Variants in DPP10 observed in about 807,000 individuals in gnomAD.
The protein encoded by DPP10 is dipeptidyl peptidase like 10.
Under a neutral mutation model 120.9 loss-of-function variants are expected in DPP10, and 33 were observed. The observed-to-expected ratio is 0.27, with a 90% CI of 0.21 to 0.37. The LOEUF (loss-of-function observed/expected upper bound fraction) is 0.37. Ranked by LOEUF, DPP10 falls within the 10% of genes least tolerant of loss-of-function variation. The pLI is 1.00. For synonymous variants in DPP10, 337 were observed against 326.1 expected (o/e 1.03, Z -0.36); for missense variants, 816 against 942.8 (o/e 0.87, Z 1.76).
chr2:115,115,117 C>T lies in DPP10; in HGVS notation c.61-194122C>T, dbSNP rs551950097. Among the ~76,000 whole-genome samples, 80 of 151,876 alleles carry T rather than the reference C, an allele frequency of 5.3e-4. 1 individual carries two copies. The highest frequency in any genetic ancestry group is 1.9e-3 in the African/African-American group (77 of 41,340). ...ACATATCCGATATGTGTGTGCACAT[C>T]GGAGACCTACGGGGAGGTTTGCAGG... is the stretch of plus-strand genomic sequence containing the variant. On this transcript the variant is annotated intron_variant, in intron 1 of 25. Coordinates refer to ENST00000410059, the MANE Select transcript of DPP10 (RefSeq NM_020868.6).
intron 1 of DPP10, among the ~76,000 whole-genome samples, chr2:114,778,990 A>C (rs1682020119): frequency 6.6e-6 from 1 of 152,090 alleles, no homozygotes. Context: ...ACCCTAGTTA[A>C]TTCAATGCCA....
chr2:115,799,706 T>A (rs1684958977), intron 19 of DPP10, among the ~76,000 whole-genome samples: 1 of 151,136 alleles, frequency 6.6e-6, no homozygotes, highest in South Asian at 2.1e-4. Flanking sequence ...GTCCTTGCGA[T>A]AGTTTGCTGA....
chr2:115,480,412 C>T lies in DPP10; in HGVS notation c.272-19098C>T, dbSNP rs537424604. 4.6e-5 allele frequency among the ~76,000 whole-genome samples: 7 copies of T among 152,198 alleles called. No individual in the cohort carries two copies. In the South Asian group the frequency reaches 8.3e-4, roughly 18 times the overall value. ...GGTTATAGGTGCCTTTTCCCCTCCTCGTTCCTACTTCCTAGGGACATGGTA... is the reference window on the plus strand; with the variant it reads ...GGTTATAGGTGCCTTTTCCCCTCCTTGTTCCTACTTCCTAGGGACATGGTA... On this transcript the variant is annotated intron_variant, in intron 3 of 25. Coordinates refer to ENST00000410059, the MANE Select transcript of DPP10 (RefSeq NM_020868.6).
intron 1 of DPP10, among the ~76,000 whole-genome samples, chr2:115,080,361 CTT>C (rs765166959): frequency 2.3e-4 from 35 of 152,016 alleles, no homozygotes; most frequent in Admixed American, 2.0e-3. Context: ...AAGGATGTAA[CTT>C]TTTTTTGTTT....
chr2:115,716,575 A>C (rs1303933976), intron 7 of DPP10, among the ~76,000 whole-genome samples: 4 of 152,312 alleles, frequency 2.6e-5, no homozygotes, highest in Middle Eastern at 6.8e-3. Flanking sequence ...ATTTAAGTTC[A>C]TAAGAATACT....
intron 1 of DPP10, among the ~76,000 whole-genome samples, chr2:114,798,208 G>A (rs1426244722): frequency 1.3e-5 from 2 of 152,264 alleles, no homozygotes; most frequent in African/African-American, 4.8e-5. Flanking sequence ...AAGGGGTGGG[G>A]TGGGGAGCAT....
intron 1 of DPP10, among the ~76,000 whole-genome samples, chr2:114,866,746 A>G (rs971652962): frequency 6.6e-6 from 1 of 152,238 alleles, no homozygotes; most frequent in African/African-American, 2.4e-5. Flanking sequence ...TAAATTTACT[A>G]TGCAGCATTT....
At chr2:115,707,867 A>C (rs1395020914) in intron 7 of DPP10, among the ~76,000 whole-genome samples, 1 of 151,936 alleles carries the variant, frequency 6.6e-6, no homozygotes, top group Non-Finnish European at 1.5e-5. Flanking sequence ...TATTATTTAA[A>C]TATTTCCAGA....
intron 5 of DPP10, among the ~76,000 whole-genome samples, chr2:115,528,627 A>T (rs1258402918): frequency 6.6e-6 from 1 of 152,088 alleles, no homozygotes; most frequent in Non-Finnish European, 1.5e-5. Flanking sequence ...TCTTCAAAGG[A>T]TGAATGGCTA....
At chr2:114,536,689 G>A (rs947985963) in intron 1 of DPP10, among the ~76,000 whole-genome samples, 63 of 152,316 alleles carry the variant, frequency 4.1e-4, no homozygotes, top group African/African-American at 1.2e-3. Context: ...ACAGGTGTGA[G>A]CCACCATGCT....
At chr2:114,718,775 T>C (rs1180720387) in intron 1 of DPP10, among the ~76,000 whole-genome samples, 1 of 152,190 alleles carries the variant, frequency 6.6e-6, no homozygotes, top group Non-Finnish European at 1.5e-5. Flanking sequence ...CATAGAATTG[T>C]ATAGCTGTAA....
At chr2:115,581,721 A>G (rs887070420) in intron 5 of DPP10, among the ~76,000 whole-genome samples, 7 of 152,088 alleles carry the variant, frequency 4.6e-5, no homozygotes, top group African/African-American at 1.4e-4. Flanking sequence ...TCATTTGGGG[A>G]CAGACATTTA....
intron 2 of DPP10, among the ~76,000 whole-genome samples, chr2:115,309,625 T>C (rs923453945): frequency 6.6e-6 from 1 of 152,096 alleles, no homozygotes; most frequent in Non-Finnish European, 1.5e-5. Context: ...ACTTACAGAC[T>C]TACTATGTGT....
At chr2:114,620,958 A>G (rs1694052216) in intron 1 of DPP10, among the ~76,000 whole-genome samples, 1 of 152,118 alleles carries the variant, frequency 6.6e-6, no homozygotes, top group Non-Finnish European at 1.5e-5. Flanking sequence ...CCAAGAGAGT[A>G]TCAGTGACTA....
intron 4 of DPP10, among the ~76,000 whole-genome samples, chr2:115,524,460 T>G (rs1402519903): frequency 1.3e-5 from 2 of 152,156 alleles, no homozygotes; most frequent in East Asian, 1.9e-4. Flanking sequence ...TCTTTCTCTT[T>G]GGACTGGGGT....
In DPP10 at chr2:114,915,117, C is replaced by A. The variant is rs955052934; in HGVS notation, c.61-394122C>A. 2.9e-5 allele frequency among the ~76,000 whole-genome samples: 4 copies of A among 139,222 alleles called. No individual in the cohort carries two copies. In the Middle Eastern group the frequency reaches 0.011, roughly 370 times the overall value. The allele number at this position is 139,222 out of a possible 152,430, so 91.3% of individuals were successfully genotyped here. ...CTGCACCCCAGCCTGGGCGACAGAA[C>A]GAGACTCCGTCTCAAAAAAAAAAAT... On this transcript the variant is annotated intron_variant, in intron 1 of 25. Transcript: ENST00000410059.
At chr2:114,487,228 G>GT (rs1284670636) in intron 1 of DPP10, among the ~76,000 whole-genome samples, 1 of 152,118 alleles carries the variant, frequency 6.6e-6, no homozygotes, top group African/African-American at 2.4e-5. Flanking sequence ...TTTTGACAAG[G>GT]TACCAGTGTA....
chr2:115,268,254 C>A (rs749226680), intron 1 of DPP10, among the ~76,000 whole-genome samples: 37 of 151,992 alleles, frequency 2.4e-4, no homozygotes, highest in Non-Finnish European at 5.0e-4. Context: ...AATAGGTGGG[C>A]AGTAATAGCT....
chr2:114,481,939 AAGG>A (rs1211973946), intron 1 of DPP10, among the ~76,000 whole-genome samples: 4 of 142,234 alleles, frequency 2.8e-5, no homozygotes, highest in Non-Finnish European at 6.0e-5. Context: ...GAAAGAGAAG[AAGG>A]AGAAGAGAGG....
Sources: allele counts gnomAD v4.1 joint callset (sites outside exome capture counted in the v4.1 genomes callset), GRCh38; gene constraint gnomAD v4.1.1; transcripts MANE v1.5; gene names NCBI Gene and HGNC (gene_info 2026-07-23, HGNC 2026-07-21).